The following KCNK5 variants were observed in gnomAD, a reference collection of about 807,000 sequenced individuals.
KCNK5 encodes potassium channel subfamily K member 5.
KCNK5 carries 18 observed loss-of-function variants against 32.9 expected under a neutral mutation model. That is an observed-to-expected ratio of 0.55 (90% confidence interval 0.38 to 0.81). The LOEUF (loss-of-function observed/expected upper bound fraction) is 0.81, where lower values mean the gene tolerates loss of function less well. Ranked by LOEUF, KCNK5 falls within the 30% of genes least tolerant of loss-of-function variation. The pLI is 0.00. For synonymous variants in KCNK5, 276 were observed against 275.3 expected (o/e 1.00, Z -0.03); for missense variants, 507 against 651.0 (o/e 0.78, Z 2.41).
intron 1 of KCNK5, among the ~76,000 whole-genome samples, chr6:39,199,052 G>T (rs903565995): frequency 6.6e-6 from 1 of 152,170 alleles, no homozygotes; most frequent in Non-Finnish European, 1.5e-5. Context: ...TGAGTATACT[G>T]CAGTGAACGG....
rs1771622922 is a variant in KCNK5, at chr6:39,224,845, A to G, written c.186+4081T>C. 3.3e-5 allele frequency among the ~76,000 whole-genome samples: 5 copies of G among 151,654 alleles called. No homozygotes were observed. In the South Asian group the frequency reaches 1.0e-3, roughly 32 times the overall value. The stretch of plus-strand genomic sequence containing the variant: ...AGGCTAGGAGAAAGGGCCACTCTCC[A>G]TCTTCTGTTAGGAGTCTCTTCTCCC... On this transcript the variant is annotated intron_variant, in intron 1 of 4. Coordinates refer to ENST00000359534, the MANE Select transcript of KCNK5 (RefSeq NM_003740.4).
At chr6:39,207,594 C>T (rs1229085471) in intron 1 of KCNK5, among the ~76,000 whole-genome samples, 1 of 150,622 alleles carries the variant, frequency 6.6e-6, no homozygotes, top group Non-Finnish European at 1.5e-5. Context: ...GTCAGTTCCC[C>T]TGCGGACTCT....
intron 1 of KCNK5, among the ~76,000 whole-genome samples, chr6:39,209,592 C>A (rs1164370742): frequency 6.6e-6 from 1 of 152,208 alleles, no homozygotes; most frequent in Non-Finnish European, 1.5e-5. Context: ...AGAGGCCAGG[C>A]AACAGGAAAT....
At position 39,189,763 on chromosome 6, in the gene KCNK5, C is replaced by CACACGCACT. The variant is rs1417987390; in HGVS notation, c.*1118_*1126dup. The CACACGCACT allele has an allele frequency of 6.5e-6, 1 of 152,676 alleles. No homozygotes were observed. Among genetic ancestry groups the CACACGCACT allele is most frequent in the African/African-American group, 2.4e-5 (1 of 41,466 alleles). 9.5% of individuals were successfully genotyped at this position (152,676 alleles called of 1,614,324 possible). A position where few individuals can be genotyped will look rare whatever the true frequency, so the allele number is the denominator to read the frequency against. On this transcript the variant is annotated 3_prime_UTR_variant, in exon 5 of 5. Coordinates refer to ENST00000359534, the MANE Select transcript of KCNK5 (RefSeq NM_003740.4). ...ACGAGTGCACAGGTGTGCGTGTGCA[C>CACACGCACT]ACACGCACTGTGCACACACACGTGC... is the stretch of plus-strand genomic sequence containing the variant.
At chr6:39,223,807 T>C (rs1320933103) in intron 1 of KCNK5, among the ~76,000 whole-genome samples, 1 of 152,148 alleles carries the variant, frequency 6.6e-6, no homozygotes, top group African/African-American at 2.4e-5. Flanking sequence ...AAGCACAGCA[T>C]CCAAAACCGG....
chr6:39,213,332 C>T (rs966120909), intron 1 of KCNK5, among the ~76,000 whole-genome samples: 1 of 152,188 alleles, frequency 6.6e-6, no homozygotes, highest in African/African-American at 2.4e-5. Context: ...ATCAATAATC[C>T]TGTCTCCCCA....
At chr6:39,208,970 G>T (rs550175779) in intron 1 of KCNK5, among the ~76,000 whole-genome samples, 2 of 152,128 alleles carry the variant, frequency 1.3e-5, no homozygotes, top group African/African-American at 4.8e-5. Flanking sequence ...CATGCCTGTG[G>T]TCCCAGCTAC....
At chr6:39,211,489 AG>A (rs1771337261) in intron 1 of KCNK5, among the ~76,000 whole-genome samples, 1 of 152,180 alleles carries the variant, frequency 6.6e-6, no homozygotes, top group Non-Finnish European at 1.5e-5. Context: ...CGAGGCGCAG[AG>A]GGAGGCCAGA....
intron 4 of KCNK5, among the ~76,000 whole-genome samples, chr6:39,192,451 T>C (rs1217809090): frequency 1.3e-5 from 2 of 152,092 alleles, no homozygotes; most frequent in African/African-American, 4.8e-5. Flanking sequence ...GCGTATATGA[T>C]ACAGTTCACT....
At chr6:39,195,352 C>A (rs1472588421) in intron 2 of KCNK5, among the ~76,000 whole-genome samples, 6 of 152,234 alleles carry the variant, frequency 3.9e-5, no homozygotes, top group Non-Finnish European at 8.8e-5. Context: ...ACTGTCAAAT[C>A]TGTGATGGGA....
chr6:39,194,840 G>A lies in KCNK5; in HGVS notation c.299-80C>T, dbSNP rs571328089. On this transcript the variant is annotated intron_variant, in intron 2 of 4. Transcript: ENST00000359534. This position sits in a 1 kb window ranked among gnomAD's most constrained non-coding sequence, Gnocchi z 4.7. The stretch of plus-strand genomic sequence containing the variant: ...CTTGCTTCCAACACACACACAGCCC[G>A]TTCTCTAAGATAAATTGATATTGAT... The A allele has an allele frequency of 1.1e-5, 13 of 1,186,502 alleles. No homozygotes were observed. The highest frequency in any genetic ancestry group is 4.6e-5 in the African/African-American group (3 of 65,926). 73.5% of individuals were successfully genotyped at this position (1,186,502 alleles called of 1,614,324 possible).
At chr6:39,226,694 G>A (rs1771677194) in intron 1 of KCNK5, among the ~76,000 whole-genome samples, 1 of 152,208 alleles carries the variant, frequency 6.6e-6, no homozygotes, top group African/African-American at 2.4e-5. Context: ...CCTGAGGCCT[G>A]AGGCAGTACC....
intron 1 of KCNK5, among the ~76,000 whole-genome samples, chr6:39,219,537 CA>C (rs1247825376): frequency 1.3e-5 from 2 of 152,016 alleles, no homozygotes; most frequent in Non-Finnish European, 2.9e-5. Context: ...GACTCTGTTT[CA>C]AAAAATAATA....
chr6:39,223,242 G>A (rs956826238), intron 1 of KCNK5, among the ~76,000 whole-genome samples: 1 of 152,180 alleles, frequency 6.6e-6, no homozygotes, highest in Non-Finnish European at 1.5e-5. Context: ...CTATGGTGTG[G>A]CTTCAGAGGC....
rs531920846 is a variant in KCNK5, at chr6:39,219,128, C to A, written c.186+9798G>T. On this transcript the variant is annotated intron_variant, in intron 1 of 4. Coordinates refer to ENST00000359534, the MANE Select transcript of KCNK5 (RefSeq NM_003740.4). Reference sequence around the variant, plus strand: ...CAAGGGCAGACCTGCTCAGTGTACTCTTGCTGACCTCTGCTGCCTGGGCCT... The same window carrying A: ...CAAGGGCAGACCTGCTCAGTGTACTATTGCTGACCTCTGCTGCCTGGGCCT... Among the ~76,000 whole-genome samples the A allele has an allele frequency of 1.5e-3, 230 of 152,288 alleles. 2 individuals carry two copies. The South Asian group carries it at 0.025, about 17-fold the overall frequency.
Position 39,190,772 on chromosome 6 carries a change from C to G in KCNK5, c.*118G>C, listed in dbSNP as rs1770907175. 1 of 1,042,418 alleles carries G rather than the reference C, an allele frequency of 9.6e-7. No homozygotes were observed. Among genetic ancestry groups the G allele is most frequent in the Non-Finnish European group, 1.3e-6 (1 of 760,474 alleles). 64.6% of individuals were successfully genotyped at this position (1,042,418 alleles called of 1,614,324 possible). ...GAAGGTTAGGAAGGCCCCTGGCCCCCCACTCCCAGTTCCGAGGCTGCCCCC... is the reference window on the plus strand; with the variant it reads ...GAAGGTTAGGAAGGCCCCTGGCCCCGCACTCCCAGTTCCGAGGCTGCCCCC... On this transcript the variant is annotated 3_prime_UTR_variant, in exon 5 of 5. Coordinates refer to ENST00000359534, the MANE Select transcript of KCNK5 (RefSeq NM_003740.4).
rs1770912708 is a variant in KCNK5 at position 39,190,917 on chromosome 6, G to C, written c.1473C>G (p.Asn491Lys). The change falls in exon 5 of 5, where the codon AAC (asparagine) becomes AAG (lysine). Residue 491 changes from asparagine to lysine, a missense_variant. Coordinates refer to ENST00000359534, the MANE Select transcript of KCNK5 (RefSeq NM_003740.4). ...ATGTGCCCTTGGGGCTGTTAGCCTTGTTGTACTCATTCATCAGCTGTTCGT... is the reference window on the plus strand; with the variant it reads ...ATGTGCCCTTGGGGCTGTTAGCCTTCTTGTACTCATTCATCAGCTGTTCGT... Reference protein sequence around the residue: ...VPYEQLMNEYNKANSPKGT With the variant: ...VPYEQLMNEYKKANSPKGT 1 of 1,481,914 alleles carries C rather than the reference G, an allele frequency of 6.7e-7. No homozygotes were observed. The highest frequency in any genetic ancestry group is 9.0e-7 in the Non-Finnish European group (1 of 1,116,686). 91.8% of individuals were successfully genotyped at this position (1,481,914 alleles called of 1,614,324 possible). A position where few individuals can be genotyped will look rare whatever the true frequency, so the allele number is the denominator to read the frequency against.
chr6:39,218,896 G>C (rs75757428), intron 1 of KCNK5, among the ~76,000 whole-genome samples: 5,610 of 152,280 alleles, frequency 0.037, 371 homozygotes, highest in African/African-American at 0.13. Flanking sequence ...GGGTCAAGGG[G>C]ATGTTTTTCT....
chr6:39,207,436 C>T (rs1180424309), intron 1 of KCNK5, among the ~76,000 whole-genome samples: 4 of 152,146 alleles, frequency 2.6e-5, no homozygotes, highest in East Asian at 1.9e-4. Flanking sequence ...CAAGGCTGGA[C>T]GGTGGGCTCT....
Sources: gnomAD v4.1 joint callset for allele counts (sites outside exome capture counted in the v4.1 genomes callset) on GRCh38, gnomAD v4.1.1 for gene constraint, Gnocchi (gnomAD v3.1) non-coding constraint, MANE v1.5 for transcripts, NCBI Gene and HGNC (gene_info 2026-07-23, HGNC 2026-07-21) for gene names.